Variants in TRIQK observed in about 807,000 individuals in gnomAD.
TRIQK encodes the protein triple QxxK/R motif-containing protein.
Under a neutral mutation model 10.8 loss-of-function variants are expected in TRIQK, and 10 were observed. The observed-to-expected ratio is 0.92, with a 90% CI of 0.57 to 1.57. TRIQK has a LOEUF of 1.57. TRIQK is among the 40% of genes most tolerant of loss of function. The pLI is 0.00. For missense variants in TRIQK, 107 were observed against 97.7 expected (o/e 1.09, Z -0.40); for synonymous variants, 33 against 33.7 (o/e 0.98, Z 0.07).
At chr8:92,964,073 T>G (rs1013435906) in intron 1 of TRIQK, among the ~76,000 whole-genome samples, 4 of 152,030 alleles carry the variant, frequency 2.6e-5, no homozygotes, top group African/African-American at 9.7e-5. Flanking sequence ...TAGTTCCCGT[T>G]TGTTAGTGCT....
chr8:92,936,332 C>G (rs1445543911), intron 2 of TRIQK, among the ~76,000 whole-genome samples: 1 of 151,586 alleles, frequency 6.6e-6, no homozygotes, highest in Non-Finnish European at 1.5e-5. Flanking sequence ...TAGATATTAT[C>G]TTAGTAGTAT....
intron 3 of TRIQK, among the ~76,000 whole-genome samples, chr8:92,914,843 T>C (rs531555820): frequency 6.6e-5 from 10 of 152,226 alleles, no homozygotes; most frequent in African/African-American, 2.4e-4. Flanking sequence ...ATAACTACTA[T>C]ATGACCCAGC....
chr8:92,924,438 G>A (rs1810339882), intron 2 of TRIQK, among the ~76,000 whole-genome samples: 1 of 151,936 alleles, frequency 6.6e-6, no homozygotes, highest in Non-Finnish European at 1.5e-5. Flanking sequence ...CCTTGACTTT[G>A]ACAAGCTCAT....
intron 2 of TRIQK, among the ~76,000 whole-genome samples, chr8:92,951,842 G>A (rs1811928198): frequency 6.6e-6 from 1 of 152,086 alleles, no homozygotes; most frequent in African/African-American, 2.4e-5. Flanking sequence ...TGTGGAGGAA[G>A]AGAAATACTC....
At chr8:92,910,037 G>A (rs974073273) in intron 3 of TRIQK, among the ~76,000 whole-genome samples, 3 of 151,452 alleles carry the variant, frequency 2.0e-5, no homozygotes, top group Admixed American at 1.3e-4. Context: ...AAACAGGTTA[G>A]GTTAAACAAA....
At chr8:92,910,892 T>G (rs977656636) in intron 3 of TRIQK, among the ~76,000 whole-genome samples, 1 of 151,360 alleles carries the variant, frequency 6.6e-6, no homozygotes, top group African/African-American at 2.4e-5. Flanking sequence ...TTAATTCTCA[T>G]TTTTCACTAA....
At chr8:92,933,721 A>G (rs1810848218) in intron 2 of TRIQK, among the ~76,000 whole-genome samples, 1 of 152,146 alleles carries the variant, frequency 6.6e-6, no homozygotes, top group Admixed American at 6.6e-5. Flanking sequence ...TACATTTAAA[A>G]ATATAGCTTG....
rs181632458 is a variant in TRIQK at position 93,007,745 on chromosome 8, T to C, written c.-181+9864A>G. 3.3e-3 allele frequency among the ~76,000 whole-genome samples: 497 copies of C among 152,256 alleles called. 13 individuals carry two copies. Among genetic ancestry groups the C allele is most frequent in the Non-Finnish European group, 7.1e-4 (48 of 68,006 alleles). On this transcript the variant is annotated intron_variant, in intron 1 of 4. Transcript: ENST00000520686. ...TTCACAATGCAAAGACAAGTATCAA[T>C]ACCTGAATAGAGAAAGCAGAGGAAA...
At chr8:92,915,637 G>A (rs1277944757) in intron 3 of TRIQK, among the ~76,000 whole-genome samples, 2 of 147,470 alleles carry the variant, frequency 1.4e-5, no homozygotes, top group South Asian at 2.2e-4. Flanking sequence ...GACTACAGGC[G>A]CCCATCACGA....
chr8:92,890,581 G>C (rs901091868), intron 4 of TRIQK, among the ~76,000 whole-genome samples: 2 of 151,540 alleles, frequency 1.3e-5, no homozygotes, highest in South Asian at 4.2e-4. Context: ...ACAATTATAA[G>C]AGCAAATGTA....
chr8:92,981,858 G>A (rs1029290657), intron 1 of TRIQK, among the ~76,000 whole-genome samples: 1 of 151,662 alleles, frequency 6.6e-6, no homozygotes, highest in Non-Finnish European at 1.5e-5. Flanking sequence ...TCATTTTTGA[G>A]TGTAATCATG....
chr8:92,958,993 C>T (rs1423774248), intron 1 of TRIQK, among the ~76,000 whole-genome samples: 2 of 151,934 alleles, frequency 1.3e-5, no homozygotes, highest in Non-Finnish European at 2.9e-5. Context: ...TCTAATAAAA[C>T]TTTATTTATA....
chr8:92,909,602 C>T (rs567978177), intron 3 of TRIQK, among the ~76,000 whole-genome samples: 150 of 151,856 alleles, frequency 9.9e-4, no homozygotes, highest in African/African-American at 3.3e-3. Flanking sequence ...GAAAACACAT[C>T]ATCATTTAAC....
intron 1 of TRIQK, among the ~76,000 whole-genome samples, chr8:92,975,563 G>A (rs1270339809): frequency 6.6e-6 from 1 of 151,986 alleles, no homozygotes; most frequent in Non-Finnish European, 1.5e-5. Context: ...GTGGCAGTTT[G>A]TCTTATTTTT....
At chr8:92,937,667 C>T (rs1811062744) in intron 2 of TRIQK, among the ~76,000 whole-genome samples, 1 of 150,850 alleles carries the variant, frequency 6.6e-6, no homozygotes, top group Admixed American at 6.6e-5. Context: ...AGTCATTCCT[C>T]TGTTTTACAT....
At chr8:92,920,454 C>A (rs2130484128) in intron 2 of TRIQK, among the ~76,000 whole-genome samples, 1 of 150,956 alleles carries the variant, frequency 6.6e-6, no homozygotes, top group African/African-American at 2.4e-5. Flanking sequence ...AAGCCAACTT[C>A]TTCTGAGAAC....
intron 1 of TRIQK, among the ~76,000 whole-genome samples, chr8:93,005,486 A>G (rs1011395898): frequency 2.1e-5 from 3 of 143,056 alleles, no homozygotes; most frequent in African/African-American, 7.7e-5. Flanking sequence ...AGTGGGACTC[A>G]TAAGGGTGCA....
At chr8:93,012,950 A>G (rs1454483896) in intron 1 of TRIQK, among the ~76,000 whole-genome samples, 1 of 152,160 alleles carries the variant, frequency 6.6e-6, no homozygotes, top group African/African-American at 2.4e-5. Context: ...CACGCACTCT[A>G]GGTGATTCTG....
At chr8:92,969,029 T>C (rs1219346888), upstream of TRIQK, among the ~76,000 whole-genome samples, 1 of 152,194 alleles carries the variant, frequency 6.6e-6, no homozygotes, top group Non-Finnish European at 1.5e-5. Flanking sequence ...AGCTAGCCAG[T>C]TTTCCCAACA....
Sources: allele counts gnomAD v4.1 joint callset (sites outside exome capture counted in the v4.1 genomes callset), GRCh38; gene constraint gnomAD v4.1.1; transcripts MANE v1.5; gene names NCBI Gene and HGNC (gene_info 2026-07-23, HGNC 2026-07-21).